The following PRKG2 variants were observed in gnomAD, a reference collection of about 807,000 sequenced individuals.
PRKG2 encodes the protein protein kinase cGMP-dependent 2, also known as cGMP-dependent protein kinase 2.
PRKG2 carries 33 observed loss-of-function variants against 97.2 expected under a neutral mutation model. The ratio of observed to expected loss-of-function variants is 0.34; its 90% CI spans 0.26 to 0.45. The LOEUF is 0.45. Among genes scored for constraint, PRKG2 ranks in the 20% least tolerant of loss-of-function variants. The pLI is 1.00. For synonymous variants in PRKG2, 330 were observed against 321.8 expected (o/e 1.03, Z -0.27); for missense variants, 638 against 900.0 (o/e 0.71, Z 3.73).
intron 17 of PRKG2, among the ~76,000 whole-genome samples, chr4:81,094,024 T>C (rs1654779101): frequency 6.6e-6 from 1 of 152,192 alleles, no homozygotes; most frequent in Admixed American, 6.5e-5. Context: ...TGCAGGGTTA[T>C]CACAAACCTT....
intron 17 of PRKG2, among the ~76,000 whole-genome samples, chr4:81,098,524 A>G (rs1742360280): frequency 6.6e-6 from 1 of 152,176 alleles, no homozygotes. Context: ...ACTAAGCTTA[A>G]TAATTTCTAG....
At chr4:81,101,216 G>T (rs1448238418) in intron 17 of PRKG2, among the ~76,000 whole-genome samples, 1 of 151,988 alleles carries the variant, frequency 6.6e-6, no homozygotes, top group South Asian at 2.1e-4. Flanking sequence ...CCATTACTGG[G>T]TATATACCCA....
intron 6 of PRKG2, among the ~76,000 whole-genome samples, chr4:81,158,515 A>G (rs1045071314): frequency 1.3e-5 from 2 of 151,412 alleles, no homozygotes; most frequent in Admixed American, 1.3e-4. Flanking sequence ...GAAAATGGCC[A>G]TACTGCCCAA....
chr4:81,152,649 C>G (rs916163078), intron 7 of PRKG2, among the ~76,000 whole-genome samples: 4 of 152,116 alleles, frequency 2.6e-5, no homozygotes, highest in African/African-American at 9.7e-5. Flanking sequence ...TAGAGTTATT[C>G]CAATTCAACA....
In PRKG2 at chr4:81,171,737, C is replaced by T. The variant is rs778024870; in HGVS notation, c.696G>A (p.Gly232=). The T allele has an allele frequency of 1.4e-4, 233 of 1,611,036 alleles. 2 individuals are homozygous for T. In the Admixed American group the frequency reaches 3.9e-3, roughly 27 times the overall value. Residue 232 remains glycine (G), a synonymous_variant, in exon 4 of 19, where the codon GGG becomes GGA. Coordinates refer to ENST00000264399, the MANE Select transcript of PRKG2 (RefSeq NM_006259.3). ...TACAATTGTATAAAATGGCAAGCTCCCCAAATGTGGTCCACATAGGGATGG... is the reference window on the plus strand; with the variant it reads ...TACAATTGTATAAAATGGCAAGCTCTCCAAATGTGGTCCACATAGGGATGG... The part of the protein sequence containing the change: ...LSSIPMWTTF[G]ELAILYNCTR...
chr4:81,116,159 T>C (rs1303353496), intron 14 of PRKG2, among the ~76,000 whole-genome samples: 1 of 152,150 alleles, frequency 6.6e-6, no homozygotes, highest in African/African-American at 2.4e-5. Flanking sequence ...ACCTGATAGG[T>C]AGTTTTTTGA....
rs1750047697 is a variant in PRKG2, at chr4:81,167,049, G to A, written c.912+112C>T. On this transcript the variant is annotated intron_variant, in intron 6 of 18. Coordinates refer to ENST00000264399, the MANE Select transcript of PRKG2 (RefSeq NM_006259.3). ...TTTTTCACCATAGAAAAAGGCTCTT[G>A]GTCTCTGTAGACTGGTGCTCTGACA... 4 of 734,616 alleles carry A rather than the reference G, an allele frequency of 5.4e-6. No homozygotes were observed. The South Asian group carries it at 7.1e-5, about 13-fold the overall frequency. 45.5% of individuals were successfully genotyped at this position (734,616 alleles called of 1,614,324 possible). A position where few individuals can be genotyped will look rare whatever the true frequency, so the allele number is the denominator to read the frequency against.
At chr4:81,177,385 A>T (rs1472477321) in intron 2 of PRKG2, among the ~76,000 whole-genome samples, 1 of 152,204 alleles carries the variant, frequency 6.6e-6, no homozygotes, top group African/African-American at 2.4e-5. Context: ...AGTAGATTAT[A>T]AATTTAAAAC....
intron 6 of PRKG2, among the ~76,000 whole-genome samples, chr4:81,162,710 C>T (rs1258771270): frequency 2.0e-5 from 3 of 152,138 alleles, no homozygotes; most frequent in African/African-American, 7.2e-5. Flanking sequence ...TGTGATTTTG[C>T]AGTGGAGATG....
At chr4:81,153,949 A>C (rs1241353507) in intron 6 of PRKG2, among the ~76,000 whole-genome samples, 2 of 152,170 alleles carry the variant, frequency 1.3e-5, no homozygotes, top group Non-Finnish European at 2.9e-5. Context: ...GCATTGCCTC[A>C]CTCAGCAAGC....
At chr4:81,123,748 AGAGTT>A (rs1267522037) in intron 14 of PRKG2, among the ~76,000 whole-genome samples, 1 of 152,102 alleles carries the variant, frequency 6.6e-6, no homozygotes, top group Non-Finnish European at 1.5e-5. Context: ...TTTTGCCTGA[AGAGTT>A]AAGTCCATTT....
Position 81,181,919 on chromosome 4 carries a change from C to T in PRKG2, c.462-6960G>A, listed in dbSNP as rs571910525. 5.3e-5 allele frequency among the ~76,000 whole-genome samples: 8 copies of T among 151,734 alleles called. No individual in the cohort carries two copies. In the South Asian group the frequency reaches 1.7e-3, roughly 32 times the overall value. On this transcript the variant is annotated intron_variant, in intron 2 of 18. Transcript: ENST00000264399. ...ATTTCTAGAAAAATAAACTACCAAA[C>T]CTGAGCCAAGAGGAAATAGAAAATC...
intron 3 of PRKG2, chr4:81,173,655 G>A (rs913600946): frequency 9.2e-5 from 14 of 151,996 alleles, no homozygotes; most frequent in South Asian, 2.1e-4. Context: ...AGATATATAC[G>A]GCAAATAATA....
chr4:81,213,641 T>C (rs1377468209), intron 1 of PRKG2, among the ~76,000 whole-genome samples: 1 of 152,058 alleles, frequency 6.6e-6, no homozygotes, highest in Non-Finnish European at 1.5e-5. Context: ...AATTTGAAAA[T>C]GTCTGTAGCT....
chr4:81,100,581 T>C (rs1291152157), intron 17 of PRKG2, among the ~76,000 whole-genome samples: 1 of 152,182 alleles, frequency 6.6e-6, no homozygotes, highest in African/African-American at 2.4e-5. Context: ...GATTAAAGAC[T>C]TAAACGTTAG....
At chr4:81,203,163 A>G (rs991852703) in intron 2 of PRKG2, among the ~76,000 whole-genome samples, 1 of 152,024 alleles carries the variant, frequency 6.6e-6, no homozygotes, top group Admixed American at 6.6e-5. Context: ...TAAAACAAAT[A>G]TAAGTTTGTG....
intron 7 of PRKG2, 132 bp downstream of exon 7, chr4:81,153,512 G>T: frequency 1.5e-6 from 1 of 647,816 alleles, no homozygotes; most frequent in Non-Finnish European, 2.6e-6. Context: ...AATTGCATGG[G>T]ACTCTACTGG....
At chr4:81,176,815 C>A (rs1750968363) in intron 2 of PRKG2, among the ~76,000 whole-genome samples, 1 of 151,906 alleles carries the variant, frequency 6.6e-6, no homozygotes, top group South Asian at 2.1e-4. Flanking sequence ...TTCTTCATTT[C>A]TTTTTGGTTT....
chr4:81,105,046 A>T (rs1318589625), intron 16 of PRKG2, among the ~76,000 whole-genome samples: 2 of 152,168 alleles, frequency 1.3e-5, no homozygotes, highest in East Asian at 3.9e-4. Flanking sequence ...TATCACGACT[A>T]ATTTTCTTTC....
Sources: gnomAD v4.1 joint callset for allele counts (sites outside exome capture counted in the v4.1 genomes callset) on GRCh38, gnomAD v4.1.1 for gene constraint, MANE v1.5 for transcripts, NCBI Gene and HGNC (gene_info 2026-07-23, HGNC 2026-07-21) for gene names.